Variants in TMEM132B observed in about 807,000 individuals in gnomAD.
The protein encoded by TMEM132B is transmembrane protein 132B.
In TMEM132B, 18 loss-of-function variants were observed where a neutral mutation model predicts 90.8. The ratio of observed to expected loss-of-function variants is 0.20; its 90% CI spans 0.14 to 0.29. TMEM132B has a LOEUF of 0.29. Ranked by LOEUF, TMEM132B falls within the 10% of genes least tolerant of loss-of-function variation. The pLI is 1.00. For synonymous variants in TMEM132B, 504 were observed against 523.3 expected (o/e 0.96, Z 0.50); for missense variants, 1,096 against 1,326.8 (o/e 0.83, Z 2.70).
intron 4 of TMEM132B, among the ~76,000 whole-genome samples, chr12:125,538,349 A>T (rs1883866074): frequency 6.6e-6 from 1 of 152,080 alleles, no homozygotes; most frequent in East Asian, 1.9e-4. Flanking sequence ...TAGGGTGCAG[A>T]TAACTCTGGT....
chr12:125,253,721 A>G (rs1323786875), intron 1 of TMEM132B, among the ~76,000 whole-genome samples: 3 of 152,034 alleles, frequency 2.0e-5, no homozygotes, highest in African/African-American at 4.8e-5. Context: ...GGCGTGAACC[A>G]CGGTGCCTGG....
intron 3 of TMEM132B, among the ~76,000 whole-genome samples, chr12:125,435,326 G>A (rs1880668306): frequency 1.3e-5 from 2 of 152,160 alleles, no homozygotes; most frequent in Non-Finnish European, 2.9e-5. Flanking sequence ...TGCCAGGAAG[G>A]GCCTAGAATT....
intron 1 of TMEM132B, among the ~76,000 whole-genome samples, chr12:125,258,100 G>A (rs551734963): frequency 6.6e-6 from 1 of 152,180 alleles, no homozygotes; most frequent in East Asian, 1.9e-4. Flanking sequence ...AATATTTACA[G>A]GGAGCCTCTT....
At chr12:125,653,138 G>A (rs779530303) in intron 8 of TMEM132B, among the ~76,000 whole-genome samples, 11 of 152,130 alleles carry the variant, frequency 7.2e-5, no homozygotes, top group African/African-American at 2.4e-4. Context: ...GCACCTTCCC[G>A]AGTCCTTCCA....
chr12:125,600,661 A>G (rs1019619489), intron 5 of TMEM132B, among the ~76,000 whole-genome samples: 1 of 152,212 alleles, frequency 6.6e-6, no homozygotes, highest in Non-Finnish European at 1.5e-5. Context: ...AATGTAATAA[A>G]TCAAACTTTC....
intron 1 of TMEM132B, among the ~76,000 whole-genome samples, chr12:125,326,002 C>T (rs1876552845): frequency 6.6e-6 from 1 of 152,206 alleles, no homozygotes; most frequent in Admixed American, 6.5e-5. Context: ...CAGGGCCCTG[C>T]AGCTCTGAGC....
chr12:125,417,222 C>CG (rs71447043), intron 3 of TMEM132B, among the ~76,000 whole-genome samples: 2,767 of 151,230 alleles, frequency 0.018, 28 homozygotes, highest in Middle Eastern at 0.055. Context: ...AAGGGGGAGG[C>CG]GGGGGGTCTC....
At chr12:125,338,011 G>C (rs1175798153) in intron 1 of TMEM132B, among the ~76,000 whole-genome samples, 1 of 152,190 alleles carries the variant, frequency 6.6e-6, no homozygotes, top group Non-Finnish European at 1.5e-5. Flanking sequence ...CTCTATAAAA[G>C]ATGAGGATTT....
At chr12:125,326,454 T>C (rs1420163384) in intron 1 of TMEM132B, 5 of 746,988 alleles carry the variant, frequency 6.7e-6, no homozygotes, top group Non-Finnish European at 1.1e-5. Context: ...GAAGACAATA[T>C]GAGCTCAAAA....
intron 4 of TMEM132B, among the ~76,000 whole-genome samples, chr12:125,535,206 C>T (rs1943525273): frequency 6.6e-6 from 1 of 152,220 alleles, no homozygotes; most frequent in African/African-American, 2.4e-5. Context: ...CTCACTTCAT[C>T]AGTTACCGCC....
Position 125,381,281 on chromosome 12 carries a change from C to A in TMEM132B, c.959+30938C>A, listed in dbSNP as rs531198803. ...GCAAGCTGTGCATGTAGACACAAAGCAGACTCCTGACCAGGACCTGGGGCC... is the reference window on the plus strand; with the variant it reads ...GCAAGCTGTGCATGTAGACACAAAGAAGACTCCTGACCAGGACCTGGGGCC... On this transcript the variant is annotated intron_variant, in intron 2 of 8. Transcript: ENST00000682704. 2.0e-5 allele frequency among the ~76,000 whole-genome samples: 3 copies of A among 152,300 alleles called. No homozygotes were observed. In the East Asian group the frequency reaches 5.8e-4, roughly 29 times the overall value.
intron 1 of TMEM132B, among the ~76,000 whole-genome samples, chr12:125,315,922 G>A (rs575438371): frequency 6.6e-6 from 1 of 152,298 alleles, no homozygotes; most frequent in Admixed American, 6.5e-5. Context: ...AGGACAACAA[G>A]CAGGGGACCC....
chr12:125,644,316 G>T, intron 6 of TMEM132B, 35 bp downstream of exon 6: 1 of 1,607,168 alleles, frequency 6.2e-7, no homozygotes, highest in Non-Finnish European at 8.5e-7. Flanking sequence ...GGATCCGATT[G>T]TCCTGGAGTC....
chr12:125,619,330 ATATT>A (rs58234813), intron 5 of TMEM132B, among the ~76,000 whole-genome samples: 3,279 of 139,738 alleles, frequency 0.023, 58 homozygotes, highest in East Asian at 0.089. Flanking sequence ...GCATTTATTT[ATATT>A]TATTTATTTA....
rs190117726 is a variant in TMEM132B at position 125,560,593 on chromosome 12, C to T, written c.1294-23258C>T. Reference sequence around the variant, plus strand: ...ATCCCAGCACTTTGGGAGGCCGAGGCGGGTGGATCATGAGGTCAGGAGATC... The same window carrying T: ...ATCCCAGCACTTTGGGAGGCCGAGGTGGGTGGATCATGAGGTCAGGAGATC... On this transcript the variant is annotated intron_variant, in intron 4 of 8. Coordinates refer to ENST00000682704, the MANE Select transcript of TMEM132B (RefSeq NM_001366854.1). Among the ~76,000 whole-genome samples, 383 of 151,786 alleles carry T rather than the reference C, an allele frequency of 2.5e-3. 1 individual carries two copies. The highest frequency in any genetic ancestry group is 3.7e-3 in the Non-Finnish European group (248 of 67,932).
Position 125,349,405 on chromosome 12 carries a change from A to G in TMEM132B, c.68-47A>G. 1 of 1,547,142 alleles carries G rather than the reference A, an allele frequency of 6.5e-7. No homozygotes were observed. The highest frequency in any genetic ancestry group is 8.7e-7 in the Non-Finnish European group (1 of 1,148,408). On this transcript the variant is annotated intron_variant, in intron 1 of 8. Coordinates refer to ENST00000682704, the MANE Select transcript of TMEM132B (RefSeq NM_001366854.1). This position sits in a 1 kb window ranked among gnomAD's most constrained non-coding sequence, Gnocchi z 4.1. The stretch of plus-strand genomic sequence containing the variant: ...GAGACTGCACTGCATTTATTTCATT[A>G]CATCTCAGAACACGGTTTTATTCTT...
chr12:125,448,717 G>A (rs1231566615), intron 3 of TMEM132B, among the ~76,000 whole-genome samples: 1 of 152,230 alleles, frequency 6.6e-6, no homozygotes, highest in African/African-American at 2.4e-5. Context: ...CATATGGTAA[G>A]TATATATTTA....
At chr12:125,346,515 T>A (rs768528970) in intron 1 of TMEM132B, among the ~76,000 whole-genome samples, 2 of 152,246 alleles carry the variant, frequency 1.3e-5, no homozygotes, top group Non-Finnish European at 2.9e-5. Flanking sequence ...AAGTAATTCA[T>A]GAGCAAATTC....
intron 5 of TMEM132B, chr12:125,584,832 A>T (rs1171760259): frequency 6.6e-6 from 1 of 152,120 alleles, no homozygotes; most frequent in Non-Finnish European, 1.5e-5. Context: ...CCTCAGGGAG[A>T]AAGGATTTGA....
Sources: gnomAD v4.1 joint callset for allele counts (sites outside exome capture counted in the v4.1 genomes callset) on GRCh38, gnomAD v4.1.1 for gene constraint, Gnocchi (gnomAD v3.1) non-coding constraint, MANE v1.5 for transcripts, NCBI Gene and HGNC (gene_info 2026-07-23, HGNC 2026-07-21) for gene names.